The following CLOCK variants were observed in gnomAD, a reference collection of about 807,000 sequenced individuals.
CLOCK encodes circadian locomoter output cycles protein kaput.
In CLOCK, 43 loss-of-function variants were observed where a neutral mutation model predicts 118.4. The ratio of observed to expected loss-of-function variants is 0.36; its 90% confidence interval spans 0.28 to 0.47. The LOEUF (loss-of-function observed/expected upper bound fraction) is 0.47, where lower values mean the gene tolerates loss of function less well. CLOCK is among the 20% of genes least tolerant of loss of function. The pLI is 1.00. For synonymous variants in CLOCK, 326 were observed against 339.2 expected (o/e 0.96, Z 0.43); for missense variants, 846 against 999.9 (o/e 0.85, Z 2.08).
chr4:55,531,930 A>C (rs1285128340), intron 1 of CLOCK, among the ~76,000 whole-genome samples: 2 of 151,810 alleles, frequency 1.3e-5, no homozygotes, highest in East Asian at 1.9e-4. Flanking sequence ...AACAAAAAAA[A>C]CCCCAGCAAA....
intron 1 of CLOCK, among the ~76,000 whole-genome samples, chr4:55,542,278 AG>A (rs1218487558): frequency 6.6e-6 from 1 of 150,608 alleles, no homozygotes; most frequent in African/African-American, 2.5e-5. Context: ...AAGGAGGCGG[AG>A]GTTGCAGTGA....
At position 55,531,909 on chromosome 4, in the gene CLOCK, A is replaced by AG. The variant is rs1730580614; in HGVS notation, c.-290+14872_-290+14873insC. On this transcript the variant is annotated intron_variant, in intron 1 of 22. Transcript: ENST00000513440. Reference sequence around the variant, plus strand: ...AGTGATTTTTTAAATGTTAAAAAAAACAAAAACAAAAACAAAAAAAACCCC... The same window carrying AG: ...AGTGATTTTTTAAATGTTAAAAAAAAGCAAAAACAAAAACAAAAAAAACCCC... 2.7e-5 allele frequency among the ~76,000 whole-genome samples: 4 copies of AG among 150,826 alleles called. No homozygotes were observed. The East Asian group carries it at 7.8e-4, about 29-fold the overall frequency.
intron 9 of CLOCK, among the ~76,000 whole-genome samples, chr4:55,460,095 C>T (rs917797405): frequency 6.6e-5 from 10 of 152,308 alleles, no homozygotes; most frequent in African/African-American, 2.4e-4. Context: ...CTTAACTTCA[C>T]ACACTGTGAC....
chr4:55,534,075 T>C (rs976135830), intron 1 of CLOCK, among the ~76,000 whole-genome samples: 1 of 152,200 alleles, frequency 6.6e-6, no homozygotes. Flanking sequence ...TAATAAAATG[T>C]TTTGTACATT....
At chr4:55,509,598 G>A (rs1446690623) in intron 2 of CLOCK, among the ~76,000 whole-genome samples, 3 of 152,058 alleles carry the variant, frequency 2.0e-5, no homozygotes, top group Non-Finnish European at 4.4e-5. Flanking sequence ...ATTCTTACTC[G>A]ACTTTCAGTC....
intron 1 of CLOCK, among the ~76,000 whole-genome samples, chr4:55,537,069 G>A (rs1730950362): frequency 6.6e-6 from 1 of 152,028 alleles, no homozygotes; most frequent in African/African-American, 2.4e-5. Flanking sequence ...AATGATCTCT[G>A]GAAAATCCTC....
chr4:55,512,507 A>T (rs1308975912), intron 1 of CLOCK, among the ~76,000 whole-genome samples: 5 of 152,156 alleles, frequency 3.3e-5, no homozygotes, highest in African/African-American at 1.2e-4. Flanking sequence ...GTCTTTTGCA[A>T]ATATCTTCAA....
At chr4:55,523,366 G>T (rs1359470080) in intron 1 of CLOCK, among the ~76,000 whole-genome samples, 1 of 152,228 alleles carries the variant, frequency 6.6e-6, no homozygotes, top group Admixed American at 6.5e-5. Context: ...CCAAAGAGTA[G>T]CTAGAGTATC....
At chr4:55,512,607 C>G (rs952340873) in intron 1 of CLOCK, among the ~76,000 whole-genome samples, 1 of 151,784 alleles carries the variant, frequency 6.6e-6, no homozygotes, top group African/African-American at 2.4e-5. Flanking sequence ...ACACGGAATA[C>G]GTCTTTGATG....
At chr4:55,507,053 C>T (rs573160640) in intron 2 of CLOCK, among the ~76,000 whole-genome samples, 1 of 152,224 alleles carries the variant, frequency 6.6e-6, no homozygotes, top group South Asian at 2.1e-4. Context: ...GTGGCTCATG[C>T]TTGTAATCAC....
chr4:55,428,902 A>G lies in CLOCK; in HGVS notation c.*6513T>C, dbSNP rs1341115214. The G allele has an allele frequency of 6.6e-6, 1 of 151,906 alleles. No individual in the cohort carries two copies. The highest frequency in any genetic ancestry group is 2.4e-5 in the African/African-American group (1 of 41,352). The allele number at this position is 151,906 out of a possible 1,614,324, so 9.4% of individuals were successfully genotyped here. On this transcript the variant is annotated 3_prime_UTR_variant, in exon 23 of 23. Coordinates refer to ENST00000513440, the MANE Select transcript of CLOCK (RefSeq NM_004898.4). ...AAATGCCATACTGAGGCCTTCCCCAACTTAAACCATAGTAAAGATTTCAAA... is the reference window on the plus strand; with the variant it reads ...AAATGCCATACTGAGGCCTTCCCCAGCTTAAACCATAGTAAAGATTTCAAA...
chr4:55,502,741 C>T (rs1728523127), intron 2 of CLOCK, among the ~76,000 whole-genome samples: 1 of 152,054 alleles, frequency 6.6e-6, no homozygotes, highest in Admixed American at 6.5e-5. Flanking sequence ...AAGAAGCAAG[C>T]CAAAGACTAG....
Position 55,435,587 on chromosome 4 carries a change from C to T in CLOCK, c.2369G>A (p.Arg790Lys), listed in dbSNP as rs1332097946. Reference sequence around the variant, plus strand: ...AGTTGAGGGATTCCCATGGAGCAACCTAGAAGTCTAAAAAACAAATGGATT... The same window carrying T: ...AGTTGAGGGATTCCCATGGAGCAACTTAGAAGTCTAAAAAACAAATGGATT... ...QPPQQFLQTS[R>K]LLHGNPSTQL... Residue 790 changes from arginine (R) to lysine (K), a missense_variant, in exon 23 of 23, where the codon AGG becomes AAG. This residue lies in a region of CLOCK where 520 missense variants were observed against 558.0 expected (regional missense o/e 0.93). Coordinates refer to ENST00000513440, the MANE Select transcript of CLOCK (RefSeq NM_004898.4). 5.0e-6 allele frequency: 8 copies of T among 1,613,822 alleles called. No individual in the cohort carries two copies. The highest frequency in any genetic ancestry group is 6.8e-6 in the Non-Finnish European group (8 of 1,179,846).
At chr4:55,529,659 A>G (rs1730413157) in intron 1 of CLOCK, among the ~76,000 whole-genome samples, 1 of 152,242 alleles carries the variant, frequency 6.6e-6, no homozygotes, top group Non-Finnish European at 1.5e-5. Flanking sequence ...AATGCTTAAT[A>G]AATATGAACT....
rs116391089 is a variant in CLOCK, at chr4:55,460,461, T to G, written c.560-1200A>C. On this transcript the variant is annotated intron_variant, in intron 9 of 22. Coordinates refer to ENST00000513440, the MANE Select transcript of CLOCK (RefSeq NM_004898.4). ...CTTTCAAGCTCCCTTCGTCTATGTA[T>G]GCTTATTTCCCAAGTTAGAAACCGT... Among the ~76,000 whole-genome samples the G allele has an allele frequency of 9.9e-4, 151 of 152,348 alleles. 1 individual carries two copies. Among genetic ancestry groups the G allele is most frequent in the Non-Finnish European group, 1.5e-3 (105 of 68,038 alleles).
chr4:55,499,782 G>A (rs2109984315), intron 2 of CLOCK, among the ~76,000 whole-genome samples: 1 of 152,324 alleles, frequency 6.6e-6, no homozygotes, highest in East Asian at 1.9e-4. Flanking sequence ...CAGCTCTCTA[G>A]GTCTTTGCCA....
At chr4:55,509,106 C>T (rs1273152515) in intron 2 of CLOCK, among the ~76,000 whole-genome samples, 5 of 152,144 alleles carry the variant, frequency 3.3e-5, no homozygotes, top group Non-Finnish European at 7.3e-5. Context: ...CATATCTTAA[C>T]ATAGAAAAGG....
At chr4:55,473,860 T>C (rs1173913840) in intron 7 of CLOCK, among the ~76,000 whole-genome samples, 4 of 152,170 alleles carry the variant, frequency 2.6e-5, no homozygotes, top group East Asian at 1.9e-4. Context: ...AATTTAAATG[T>C]TGTGTGTGCT....
chr4:55,541,937 C>CCT (rs1731294036), intron 1 of CLOCK, among the ~76,000 whole-genome samples: 1 of 134,644 alleles, frequency 7.4e-6, no homozygotes, highest in Admixed American at 7.9e-5. Flanking sequence ...AAATCCCATG[C>CCT]CTCTCCCCCC....
Sources: gnomAD v4.1 joint callset for allele counts (sites outside exome capture counted in the v4.1 genomes callset) on GRCh38, gnomAD v4.1.1 for gene constraint, gnomAD v4.1.1 regional missense constraint, MANE v1.5 for transcripts, NCBI Gene and HGNC (gene_info 2026-07-23, HGNC 2026-07-21) for gene names.